The following WDR44 variants were observed in gnomAD, a reference collection of about 807,000 sequenced individuals.
WDR44 encodes WD repeat-containing protein 44.
WDR44 carries 9 observed loss-of-function variants against 65.7 expected under a neutral mutation model. The ratio of observed to expected loss-of-function variants is 0.14; its 90% CI spans 0.08 to 0.24. The LOEUF (loss-of-function observed/expected upper bound fraction) is 0.24, where lower values mean the gene tolerates loss of function less well. Ranked by LOEUF, WDR44 falls within the 10% of genes least tolerant of loss-of-function variation. WDR44 has a pLI of 1.00. For missense variants in WDR44, 425 were observed against 670.9 expected (o/e 0.63, Z 4.05); for synonymous variants, 220 against 235.2 (o/e 0.94, Z 0.59).
intron 1 of WDR44, among the ~76,000 whole-genome samples, chrX:118,357,698 A>G (rs760823590): frequency 6.3e-4 from 70 of 110,352 alleles, no homozygotes; most frequent in Admixed American, 1.3e-3. Context: ...GCTGGCCAAC[A>G]TAGTGAAACC....
At chrX:118,405,727 T>C (rs2056959918) in intron 9 of WDR44, among the ~76,000 whole-genome samples, 1 of 111,776 alleles carries the variant, frequency 8.9e-6, no homozygotes, top group African/African-American at 3.2e-5. Context: ...TAGAAAAATA[T>C]TTTTAAAAAT....
chrX:118,374,503 A>G (rs1480414109), intron 1 of WDR44, among the ~76,000 whole-genome samples: 2 of 111,878 alleles, frequency 1.8e-5, no homozygotes, highest in African/African-American at 6.5e-5. Context: ...GGCCTTAACA[A>G]CTTTGTAACA....
chrX:118,424,003 A>T (rs181631818), intron 12 of WDR44, among the ~76,000 whole-genome samples: 11 of 110,809 alleles, frequency 9.9e-5, no homozygotes, highest in African/African-American at 3.6e-4. Context: ...TCATCTGTCA[A>T]TGGACATTTA....
At chrX:118,361,890 C>G (rs973908105) in intron 1 of WDR44, among the ~76,000 whole-genome samples, 1 of 112,264 alleles carries the variant, frequency 8.9e-6, no homozygotes, top group African/African-American at 3.2e-5. Flanking sequence ...TGGAGAAAAA[C>G]CAATAATTGC....
Position 118,407,111 on chromosome X carries a change from G to A in WDR44, c.1533+85G>A, listed in dbSNP as rs2056973753. The A allele has an allele frequency of 3.1e-6, 3 of 970,792 alleles. No homozygotes were observed. In the Admixed American group the frequency reaches 8.5e-5, roughly 28 times the overall value. The allele number at this position is 970,792 out of a possible 1,213,427, so 80.0% of individuals were successfully genotyped here. Reference sequence around the variant, plus strand: ...CTTCTACAAAACTATCTCTTTCTATGTATGTAACTTTGCTAGCCTGACTCA... The same window carrying A: ...CTTCTACAAAACTATCTCTTTCTATATATGTAACTTTGCTAGCCTGACTCA... On this transcript the variant is annotated intron_variant, in intron 10 of 19. Coordinates refer to ENST00000254029, the MANE Select transcript of WDR44 (RefSeq NM_019045.5).
At position 118,443,590 on chromosome X, in the gene WDR44, A is replaced by G. The variant is rs747719630; in HGVS notation, c.2415A>G (p.Ser805=). The stretch of plus-strand genomic sequence containing the variant: ...ATTTTACTTACCTCGTTAGTGGTTC[A>G]GAAGATAAGTATGTTTATATCTGGA... ...SHDFTYLVSG[S]EDKYVYIWST... The change falls in exon 18 of 20, where the codon TCA becomes TCG. Residue 805 remains serine, a synonymous_variant. Transcript: ENST00000254029. 10 of 1,210,382 alleles carry G rather than the reference A, an allele frequency of 8.3e-6. No homozygotes were observed. In the South Asian group the frequency reaches 1.8e-4, roughly 21 times the overall value.
chrX:118,385,362 A>G (rs775757952), intron 2 of WDR44, among the ~76,000 whole-genome samples: 1 of 111,988 alleles, frequency 8.9e-6, no homozygotes, highest in Non-Finnish European at 1.9e-5. Flanking sequence ...AGGGCCATGG[A>G]TGGAGCTGGA....
intron 1 of WDR44, among the ~76,000 whole-genome samples, chrX:118,355,619 TC>T (rs1341670116): frequency 8.9e-6 from 1 of 112,313 alleles, no homozygotes; most frequent in Non-Finnish European, 1.9e-5. Context: ...GCCTATTATG[TC>T]CCAGATCATA....
intron 1 of WDR44, among the ~76,000 whole-genome samples, chrX:118,359,634 A>G (rs2056494476): frequency 8.9e-6 from 1 of 112,300 alleles, no homozygotes; most frequent in South Asian, 3.6e-4. Context: ...CTTTGATTTC[A>G]TTAAAGATCA....
Position 118,436,805 on chromosome X carries a change from C to T in WDR44, c.1955C>T (p.Ala652Val), listed in dbSNP as rs1173449644. The T allele has an allele frequency of 8.5e-7, 1 of 1,182,960 alleles. No individual in the cohort carries two copies. Among genetic ancestry groups the T allele is most frequent in the Non-Finnish European group, 1.1e-6 (1 of 880,252 alleles). Residue 652 changes from alanine (A) to valine (V), a missense_variant, in exon 14 of 20, where the codon GCC becomes GTC. By Grantham distance (64) the Ala-to-Val change is moderately conservative (BLOSUM62 0). This residue lies in a region of WDR44 where 73 missense variants were observed against 187.4 expected (regional missense o/e 0.39). Transcript: ENST00000254029. The stretch of plus-strand genomic sequence containing the variant: ...TTTCAACATATAGATTTTGTCACTG[C>T]CATAGCTTTTCATCCAAGAGTAAGT... Reference protein sequence around the residue: ...CCFQHIDFVTAIAFHPRDDRY... With the variant: ...CCFQHIDFVTVIAFHPRDDRY...
intron 1 of WDR44, among the ~76,000 whole-genome samples, chrX:118,365,538 T>A (rs2056545721): frequency 9.1e-6 from 1 of 110,034 alleles, no homozygotes; most frequent in Non-Finnish European, 1.9e-5. Flanking sequence ...AAAAGAAAAA[T>A]TTTGGGGTCC....
At chrX:118,358,575 C>T (rs931664475) in intron 1 of WDR44, among the ~76,000 whole-genome samples, 1 of 111,310 alleles carries the variant, frequency 9.0e-6, no homozygotes, top group Non-Finnish European at 1.9e-5. Context: ...CATGATGGCA[C>T]ATGCCTGTAG....
At chrX:118,439,977 C>G (rs7051287) in intron 14 of WDR44, among the ~76,000 whole-genome samples, 1 of 105,989 alleles carries the variant, frequency 9.4e-6, no homozygotes, top group South Asian at 4.3e-4. Context: ...AAAATTAGCC[C>G]GGTATGGTGG....
intron 1 of WDR44, among the ~76,000 whole-genome samples, chrX:118,347,621 A>G (rs1006387321): frequency 8.9e-6 from 1 of 112,569 alleles, no homozygotes; most frequent in Admixed American, 9.4e-5. Context: ...ACTGCCTTCA[A>G]TTCTCACACT....
intron 12 of WDR44, among the ~76,000 whole-genome samples, chrX:118,423,702 C>T (rs1424774508): frequency 8.9e-6 from 1 of 111,822 alleles, no homozygotes; most frequent in Non-Finnish European, 1.9e-5. Context: ...TAATAGATCT[C>T]TCAAACTTAA....
At position 118,444,324 on chromosome X, in the gene WDR44, A is replaced by G. The variant is rs764202945; in HGVS notation, c.2513-36A>G. 10 of 1,191,557 alleles carry G rather than the reference A, an allele frequency of 8.4e-6. No individual in the cohort carries two copies. In the South Asian group the frequency reaches 1.3e-4, roughly 15 times the overall value. On this transcript the variant is annotated intron_variant, in intron 18 of 19. Transcript: ENST00000254029. The stretch of plus-strand genomic sequence containing the variant: ...ACTATCGTGTTTGTCTTGGTATCCA[A>G]TTTGTCAGTTATCCTGAAGTAAATT...
intron 3 of WDR44, among the ~76,000 whole-genome samples, chrX:118,390,285 C>T (rs149421747): frequency 0.016 from 1,724 of 110,422 alleles, 14 homozygotes; most frequent in Middle Eastern, 0.032. Flanking sequence ...TCTTGGTTCT[C>T]ATTGTTCTCT....
rs1263072442 is a variant in WDR44 at position 118,449,010 on chromosome X, A to G, written c.*23A>G. The stretch of plus-strand genomic sequence containing the variant: ...TAATTTGAAATGGCATTTAAAATAA[A>G]CATATCAGTAAGTTTCTATATGTAT... On this transcript the variant is annotated 3_prime_UTR_variant, in exon 20 of 20. Transcript: ENST00000254029. The G allele has an allele frequency of 9.5e-7, 1 of 1,050,199 alleles. No homozygotes were observed. The highest frequency in any genetic ancestry group is 1.3e-6 in the Non-Finnish European group (1 of 762,278). The allele number at this position is 1,050,199 out of a possible 1,213,427, so 86.5% of individuals were successfully genotyped here.
intron 12 of WDR44, among the ~76,000 whole-genome samples, chrX:118,419,183 C>G (rs749682516): frequency 6.3e-5 from 7 of 111,554 alleles, no homozygotes; most frequent in Non-Finnish European, 1.3e-4. Context: ...GTGCCCTCCC[C>G]CTTCTGGCCA....
Sources: gnomAD v4.1 joint callset for allele counts (sites outside exome capture counted in the v4.1 genomes callset) on GRCh38, gnomAD v4.1.1 for gene constraint, gnomAD v4.1.1 regional missense constraint, MANE v1.5 for transcripts, NCBI Gene and HGNC (gene_info 2026-07-23, HGNC 2026-07-21) for gene names.